SORBS2: variants seen among roughly 807,000 people sequenced by gnomAD.
SORBS2 encodes sorbin and SH3 domain-containing protein 2.
In SORBS2, 46 loss-of-function variants were observed where a neutral mutation model predicts 97.7. The ratio of observed to expected loss-of-function variants is 0.47; its 90% CI spans 0.37 to 0.60. SORBS2 has a LOEUF of 0.60. SORBS2 is among the 20% of genes least tolerant of loss of function. The probability of loss-of-function intolerance (pLI) is 0.00; values close to 1 mark genes in which losing one functional copy is unlikely to be tolerated. For synonymous variants in SORBS2, 476 were observed against 473.4 expected, an observed-to-expected ratio of 1.01 and a Z score of -0.07; for missense variants, 1,316 against 1,282.3, an observed-to-expected ratio of 1.03 and a Z score of -0.40.
At chr4:185,661,844 C>T (rs1233788012), upstream of SORBS2, among the ~76,000 whole-genome samples, 1 of 152,124 alleles carries the variant, frequency 6.6e-6, no homozygotes, top group Admixed American at 6.5e-5. Context: ...CCCTAAGTAG[C>T]CATTTTCTTT....
chr4:185,937,787 G>A (rs376071788), intron 1 of SORBS2, among the ~76,000 whole-genome samples: 2 of 152,092 alleles, frequency 1.3e-5, no homozygotes, highest in Non-Finnish European at 1.5e-5. Flanking sequence ...AGCAGGGACC[G>A]GCATCCAGCC....
chr4:185,602,635 T>C (rs2153383511), intron 12 of SORBS2, among the ~76,000 whole-genome samples: 1 of 152,370 alleles, frequency 6.6e-6, no homozygotes, highest in Non-Finnish European at 1.5e-5. Flanking sequence ...CATTAAAACA[T>C]TACTAAGAGT....
chr4:185,673,903 A>C (rs2097757324), intron 4 of SORBS2, among the ~76,000 whole-genome samples: 1 of 152,100 alleles, frequency 6.6e-6, no homozygotes, highest in South Asian at 2.1e-4. Flanking sequence ...TTTTCCTCAC[A>C]TGGCTTTTAG....
chr4:185,931,648 C>A (rs775875522), intron 1 of SORBS2, among the ~76,000 whole-genome samples: 1 of 152,026 alleles, frequency 6.6e-6, no homozygotes, highest in Non-Finnish European at 1.5e-5. Flanking sequence ...GGATCAGACC[C>A]CAAGTGCAGG....
At chr4:185,617,636 G>A (rs1264842793) in intron 9 of SORBS2, among the ~76,000 whole-genome samples, 2 of 152,128 alleles carry the variant, frequency 1.3e-5, no homozygotes, top group Non-Finnish European at 2.9e-5. Flanking sequence ...TTAAAGGTCT[G>A]TGCACATAGG....
At chr4:185,588,012 C>T (rs547910691) in intron 14 of SORBS2, 2 of 245,964 alleles carry the variant, frequency 8.1e-6, no homozygotes, top group South Asian at 6.3e-5. Flanking sequence ...GAGGCTGCCA[C>T]ACCAGAGTCG....
chr4:185,660,722 G>C (rs1333333234), upstream of SORBS2, among the ~76,000 whole-genome samples: 1 of 152,142 alleles, frequency 6.6e-6, no homozygotes, highest in African/African-American at 2.4e-5. Flanking sequence ...TGTCAAAGAA[G>C]ACATGGTGGT....
At chr4:185,652,614 C>G (rs1488309763) in intron 2 of SORBS2, 48 bp downstream of exon 10, 3 of 1,423,008 alleles carry the variant, frequency 2.1e-6, no homozygotes, top group Admixed American at 3.4e-5. Flanking sequence ...CGAATGTAGT[C>G]CCTTCAACCC....
intron 2 of SORBS2, among the ~76,000 whole-genome samples, chr4:185,710,156 C>G (rs34609453): frequency 8.8e-6 from 1 of 114,044 alleles, no homozygotes; most frequent in Non-Finnish European, 2.0e-5. Context: ...TGCTTTCACT[C>G]GATGTTAATC....
intron 1 of SORBS2, among the ~76,000 whole-genome samples, chr4:185,802,436 C>T (rs528444739): frequency 6.6e-6 from 1 of 152,314 alleles, no homozygotes; most frequent in South Asian, 2.1e-4. Context: ...ACTTCGACAT[C>T]CACAGTTGGG....
intron 2 of SORBS2, among the ~76,000 whole-genome samples, chr4:185,687,123 C>T (rs1218367201): frequency 6.6e-6 from 1 of 152,066 alleles, no homozygotes; most frequent in East Asian, 1.9e-4. Context: ...CCTTACTGGG[C>T]TCAAACTGAT....
chr4:185,849,026 C>G (rs183919521), intron 1 of SORBS2, among the ~76,000 whole-genome samples: 5 of 152,040 alleles, frequency 3.3e-5, no homozygotes, highest in Non-Finnish European at 7.4e-5. Flanking sequence ...CTAGGTGGTA[C>G]GAAAAGGTTG....
chr4:185,765,056 T>G (rs2153614186), intron 2 of SORBS2, among the ~76,000 whole-genome samples: 1 of 152,280 alleles, frequency 6.6e-6, no homozygotes, highest in East Asian at 1.9e-4. Flanking sequence ...TTTTCTGCAC[T>G]GATTCAGACT....
At position 185,611,993 on chromosome 4, in the gene SORBS2, T is replaced by C. The variant is rs2153403967; in HGVS notation, c.2596-13A>G. ...TAACTCTATCTCCCTGTTATGAATA[T>C]GAGAAAAATGCATTAGAAACAGAGA... On this transcript the variant is annotated splice_polypyrimidine_tract_variant and intron_variant, in intron 11 of 14. Coordinates refer to ENST00000418609, the Ensembl canonical transcript of SORBS2. 2.8e-6 allele frequency: 4 copies of C among 1,447,462 alleles called. No individual in the cohort carries two copies. The highest frequency in any genetic ancestry group is 3.9e-6 in the Non-Finnish European group (4 of 1,031,070). 89.7% of individuals were successfully genotyped at this position (1,447,462 alleles called of 1,614,324 possible). A position where few individuals can be genotyped will look rare whatever the true frequency, so the allele number is the denominator to read the frequency against.
intron 1 of SORBS2, among the ~76,000 whole-genome samples, chr4:185,926,548 TG>T (rs1325169324): frequency 6.3e-5 from 6 of 94,924 alleles, no homozygotes; most frequent in Non-Finnish European, 1.4e-4. Context: ...GTTCAAGTTG[TG>T]GTTTTGTTTT....
At chr4:185,712,677 C>T (rs921820370) in intron 2 of SORBS2, among the ~76,000 whole-genome samples, 4 of 152,200 alleles carry the variant, frequency 2.6e-5, no homozygotes, top group Admixed American at 6.5e-5. Flanking sequence ...GATGCTCGAA[C>T]GGGGACTGCA....
chr4:185,886,166 G>A (rs1303537819), intron 1 of SORBS2, among the ~76,000 whole-genome samples: 1 of 152,200 alleles, frequency 6.6e-6, no homozygotes, highest in African/African-American at 2.4e-5. Context: ...TTCCCGGACT[G>A]TCCAGAGAGG....
intron 2 of SORBS2, among the ~76,000 whole-genome samples, chr4:185,733,458 T>C (rs2098659380): frequency 1.3e-5 from 2 of 152,182 alleles, no homozygotes; most frequent in African/African-American, 4.8e-5. Context: ...GCCCATCCCG[T>C]GCTTCTCTGG....
rs2099260019 is a variant in SORBS2 at position 185,919,567 on chromosome 4, T to C, written c.-338+36629A>G. On this transcript the variant is annotated intron_variant, in intron 1 of 20. Coordinates refer to the SORBS2 transcript ENST00000284776. ...AACTGCCTAGACCAGTTTTTGACTGTAGAGGTTTTTCTTTCTTTCTTTCTT... is the reference window on the plus strand; with the variant it reads ...AACTGCCTAGACCAGTTTTTGACTGCAGAGGTTTTTCTTTCTTTCTTTCTT... 4 of 152,248 alleles carry C rather than the reference T, an allele frequency of 2.6e-5. 1 individual carries two copies. In the South Asian group the frequency reaches 6.2e-4, roughly 24 times the overall value. The allele number at this position is 152,248 out of a possible 1,614,324, so 9.4% of individuals were successfully genotyped here. A position where few individuals can be genotyped will look rare whatever the true frequency, so the allele number is the denominator to read the frequency against.
Sources: allele counts gnomAD v4.1 joint callset (sites outside exome capture counted in the v4.1 genomes callset), GRCh38; gene constraint gnomAD v4.1.1; transcripts MANE v1.5; gene names NCBI Gene and HGNC (gene_info 2026-07-23, HGNC 2026-07-21).